MIER2: variants seen among roughly 807,000 people sequenced by gnomAD.
MIER2 encodes mesoderm induction early response protein 2.
Under a neutral mutation model 67.6 loss-of-function variants are expected in MIER2, and 30 were observed. That is an observed-to-expected ratio of 0.44 (90% CI 0.33 to 0.60). The LOEUF (loss-of-function observed/expected upper bound fraction) is 0.60. Among genes scored for constraint, MIER2 ranks in the 20% least tolerant of loss-of-function variants. MIER2 has a pLI of 0.02. For missense variants in MIER2, 702 were observed against 745.1 expected, an observed-to-expected ratio of 0.94 and a Z score of 0.67; for synonymous variants, 372 against 312.6, an observed-to-expected ratio of 1.19 and a Z score of -2.00.
At position 312,113 on chromosome 19, in the gene MIER2, A is replaced by C. The variant is rs979813751; in HGVS notation, c.889+78T>G. On this transcript the variant is annotated intron_variant, in intron 9 of 13. Transcript: ENST00000264819. ...CCCAGGGCGGGGCCGCAGCGGAAGGAAGGCCCAGGCCGGGGAGAACGGTCA... is the reference window on the plus strand; with the variant it reads ...CCCAGGGCGGGGCCGCAGCGGAAGGCAGGCCCAGGCCGGGGAGAACGGTCA... 2.2e-5 allele frequency: 25 copies of C among 1,149,934 alleles called. No homozygotes were observed. In the East Asian group the frequency reaches 2.4e-4, roughly 11 times the overall value. The allele number at this position is 1,149,934 out of a possible 1,614,324, so 71.2% of individuals were successfully genotyped here. A position where few individuals can be genotyped will look rare whatever the true frequency, so the allele number is the denominator to read the frequency against.
chr19:320,146 G>T (rs186056993), intron 7 of MIER2, among the ~76,000 whole-genome samples: 1 of 151,964 alleles, frequency 6.6e-6, no homozygotes, highest in Admixed American at 6.6e-5. Flanking sequence ...GGGCTGAGGC[G>T]GACAGATCAC....
intron 7 of MIER2, among the ~76,000 whole-genome samples, chr19:323,367 T>C (rs1739533658): frequency 7.7e-6 from 1 of 130,548 alleles, no homozygotes. Flanking sequence ...CACAATGCAG[T>C]AAAGACACAC....
At chr19:307,714 C>A (rs1416627723) in intron 12 of MIER2, among the ~76,000 whole-genome samples, 178 bp from the exon 13 acceptor site, 1 of 149,202 alleles carries the variant, frequency 6.7e-6, no homozygotes, top group Non-Finnish European at 1.5e-5. Context: ...TTAAGGGTCT[C>A]AGCTTTAGAA....
At chr19:310,787 G>GTCCATAGAAACACGGCCCAC (rs1970964112) in intron 10 of MIER2, among the ~76,000 whole-genome samples, 1 of 147,758 alleles carries the variant, frequency 6.8e-6, no homozygotes, top group Non-Finnish European at 1.5e-5. Context: ...ACACGGCCCA[G>GTCCATAGAAACACGGCCCAC]AGTCCAGAAA....
intron 7 of MIER2, among the ~76,000 whole-genome samples, chr19:316,976 A>C (rs1320752111): frequency 6.6e-6 from 1 of 152,216 alleles, no homozygotes; most frequent in Non-Finnish European, 1.5e-5. Context: ...CTCAAAAAAA[A>C]TGTAGACTGT....
intron 10 of MIER2, among the ~76,000 whole-genome samples, chr19:309,195 C>A (rs2037407801): frequency 6.6e-6 from 1 of 152,162 alleles, no homozygotes; most frequent in Non-Finnish European, 1.5e-5. Context: ...ACCCCTTTCC[C>A]TTCTGTAGCA....
rs1156778306 is a variant in MIER2 at position 312,178 on chromosome 19, G to A, written c.889+13C>T. 7.7e-6 allele frequency: 12 copies of A among 1,561,826 alleles called. No homozygotes were observed. Among genetic ancestry groups the A allele is most frequent in the Admixed American group, 5.4e-5 (3 of 56,026 alleles). ...GGGGCCGCAGCGGAAGGAAGGCCCAGACCGCTGCTCACCTCGGATCACCTT... is the reference window on the plus strand; with the variant it reads ...GGGGCCGCAGCGGAAGGAAGGCCCAAACCGCTGCTCACCTCGGATCACCTT... On this transcript the variant is annotated intron_variant, in intron 9 of 13. Coordinates refer to ENST00000264819, the MANE Select transcript of MIER2 (RefSeq NM_017550.3).
chr19:339,662 A>G (rs1972417897), intron 1 of MIER2, among the ~76,000 whole-genome samples: 1 of 152,240 alleles, frequency 6.6e-6, no homozygotes, highest in Admixed American at 6.5e-5. Context: ...GCACTGACAC[A>G]CTACCACATG....
At chr19:333,738 G>C (rs1290467242) in intron 3 of MIER2, among the ~76,000 whole-genome samples, 2 of 132,896 alleles carry the variant, frequency 1.5e-5, no homozygotes, top group African/African-American at 5.8e-5. Context: ...ACCCAGGCTG[G>C]AGTGCAGTGG....
At chr19:342,400 G>C (rs936700265) in intron 1 of MIER2, among the ~76,000 whole-genome samples, 8 of 151,874 alleles carry the variant, frequency 5.3e-5, no homozygotes, top group African/African-American at 1.9e-4. Context: ...AGTCGAGGTG[G>C]AACCATCGTT....
At chr19:335,684 G>A (rs1972215607) in intron 2 of MIER2, among the ~76,000 whole-genome samples, 2 of 152,220 alleles carry the variant, frequency 1.3e-5, no homozygotes, top group Admixed American at 6.5e-5. Context: ...GCAAGCAGCA[G>A]CGCAGGGAGG....
At chr19:334,332 CAA>C in intron 3 of MIER2, 66 bp downstream of exon 3, 1 of 1,597,836 alleles carries the variant, frequency 6.3e-7, no homozygotes, top group Non-Finnish European at 8.5e-7. Flanking sequence ...CTGAGCTGCA[CAA>C]AACTCATGAG....
In MIER2 at chr19:313,527, G is replaced by C. The variant is rs1405623721; in HGVS notation, c.772C>G (p.Leu258Val). ...RRWHEMAGPQ[L>V]PEGEAVKDSE... ...TCTTTCACGGCTTCTCCCTCTGGGA[G>C]CTGAGGCCCGGCCATCTCGTGCCAA... is the stretch of plus-strand genomic sequence containing the variant. The change falls in exon 8 of 14, where the codon CTC becomes GTC. Residue 258 changes from leucine (L) to valine (V), a missense_variant. By Grantham distance (32) the Leu-to-Val change is conservative. Coordinates refer to ENST00000264819, the MANE Select transcript of MIER2 (RefSeq NM_017550.3). The C allele has an allele frequency of 6.2e-7, 1 of 1,612,798 alleles. No individual in the cohort carries two copies.
chr19:320,288 C>T (rs376902678), intron 7 of MIER2, among the ~76,000 whole-genome samples: 1 of 151,892 alleles, frequency 6.6e-6, no homozygotes, highest in Non-Finnish European at 1.5e-5. Context: ...GACTGCAGCA[C>T]GAGAATCACT....
rs1972643282 is a variant in MIER2 at position 344,376 on chromosome 19, G to A, written c.9+398C>T. ...ACTCGGCAAAGTTGGCAAAGGCGCG[G>A]GAGGGGAGGCCTGCGCGCCGCGGGG... On this transcript the variant is annotated intron_variant, in intron 1 of 13. Coordinates refer to ENST00000264819, the MANE Select transcript of MIER2 (RefSeq NM_017550.3). The A allele has an allele frequency of 7.1e-6, 7 of 984,876 alleles. No individual in the cohort carries two copies. The East Asian group carries it at 3.4e-4, about 48-fold the overall frequency. The allele number at this position is 984,876 out of a possible 1,614,324, so 61.0% of individuals were successfully genotyped here.
chr19:308,505 C>A lies in MIER2; in HGVS notation c.1198+72G>T. 1 of 1,460,448 alleles carries A rather than the reference C, an allele frequency of 6.8e-7. No individual in the cohort carries two copies. Among genetic ancestry groups the A allele is most frequent in the Non-Finnish European group, 9.2e-7 (1 of 1,081,330 alleles). 90.5% of individuals were successfully genotyped at this position (1,460,448 alleles called of 1,614,324 possible). A position where few individuals can be genotyped will look rare whatever the true frequency, so the allele number is the denominator to read the frequency against. ...AGCACAGGGCGCCAGGCAGGAGAGG[C>A]TCCACCGGGCCTCACTCACGGCTCC... On this transcript the variant is annotated intron_variant, in intron 12 of 13. Coordinates refer to ENST00000264819, the MANE Select transcript of MIER2 (RefSeq NM_017550.3). The surrounding 1 kb of genome is among the most constrained non-coding windows in gnomAD (Gnocchi z 9.1).
intron 5 of MIER2, chr19:326,889 G>A (rs1971776608): frequency 3.4e-6 from 2 of 590,830 alleles, no homozygotes; most frequent in African/African-American, 3.7e-5. Context: ...GCTGTCCCTG[G>A]ATCTGCTAGG....
chr19:316,361 T>C (rs1412397172), intron 7 of MIER2, among the ~76,000 whole-genome samples: 5 of 152,086 alleles, frequency 3.3e-5, no homozygotes, highest in Non-Finnish European at 4.4e-5. Flanking sequence ...GGTGCGATCT[T>C]GGCTCACTGC....
intron 1 of MIER2, among the ~76,000 whole-genome samples, chr19:340,349 C>A (rs1333833401): frequency 6.6e-6 from 1 of 152,182 alleles, no homozygotes; most frequent in Non-Finnish European, 1.5e-5. Flanking sequence ...TCTGACTCCC[C>A]GACACTTGAT....
Sources: allele counts gnomAD v4.1 joint callset (sites outside exome capture counted in the v4.1 genomes callset), GRCh38; gene constraint gnomAD v4.1.1; non-coding constraint Gnocchi (gnomAD v3.1); transcripts MANE v1.5; gene names NCBI Gene and HGNC (gene_info 2026-07-23, HGNC 2026-07-21).